Variants in GAN observed in about 807,000 individuals in gnomAD.
GAN encodes the protein gigaxonin, also known as epididymis secretory sperm binding protein.
GAN carries 48 observed loss-of-function variants against 71.3 expected under a neutral mutation model. That is an observed-to-expected ratio of 0.67 (90% CI 0.53 to 0.86). GAN has a LOEUF of 0.86. Ranked by LOEUF, GAN falls within the 40% of genes least tolerant of loss-of-function variation. The probability of loss-of-function intolerance (pLI) is 0.00; values close to 1 mark genes in which losing one functional copy is unlikely to be tolerated. For synonymous variants in GAN, 386 were observed against 276.8 expected, an observed-to-expected ratio of 1.39 and a Z score of -3.92; for missense variants, 928 against 770.1, an observed-to-expected ratio of 1.21 and a Z score of -2.43.
chr16:81,325,805 T>C (rs931094660), intron 1 of GAN, among the ~76,000 whole-genome samples: 13 of 152,248 alleles, frequency 8.5e-5, no homozygotes, highest in African/African-American at 2.9e-4. Context: ...CAGTCTGTCT[T>C]AAATGTGTTG....
chr16:81,354,755 G>C lies in GAN; in HGVS notation c.633G>C (p.Lys211Asn), dbSNP rs201676105. The change falls in exon 3 of 11, where the codon AAG (lysine) becomes AAC (asparagine). Residue 211 changes from lysine to asparagine, a missense_variant and splice_region_variant. Physicochemically the swap from Lys to Asn is moderately conservative, Grantham distance 94 (BLOSUM62 0). Coordinates refer to ENST00000648994, the MANE Select transcript of GAN (RefSeq NM_022041.4). ...RWIAHDTEIR[K>N]VHMKDVMSAL... ...TAGCACATGATACAGAAATAAGAAA[G>C]GTACCTGTCATTTATAACATGGTCA... 1 of 1,534,708 alleles carries C rather than the reference G, an allele frequency of 6.5e-7. No individual in the cohort carries two copies. Among genetic ancestry groups the C allele is most frequent in the Non-Finnish European group, 9.0e-7 (1 of 1,107,880 alleles).
At chr16:81,334,425 T>C (rs889649947) in intron 1 of GAN, among the ~76,000 whole-genome samples, 7 of 152,298 alleles carry the variant, frequency 4.6e-5, no homozygotes, top group East Asian at 1.9e-4. Flanking sequence ...CTGAAACCTT[T>C]CCTGACTTTT....
At chr16:81,365,245 G>T in intron 8 of GAN, 105 bp from the exon 9 acceptor site, 1 of 1,563,586 alleles carries the variant, frequency 6.4e-7, no homozygotes, top group Admixed American at 1.7e-5. Flanking sequence ...AGAAAGGAAG[G>T]CCCACGTAGT....
intron 1 of GAN, among the ~76,000 whole-genome samples, chr16:81,347,072 A>G (rs1452994417): frequency 6.6e-6 from 1 of 152,210 alleles, no homozygotes; most frequent in Non-Finnish European, 1.5e-5. Context: ...CTGCTGCCAA[A>G]AAGATTATAT....
At chr16:81,341,284 A>G (rs1909932437) in intron 1 of GAN, among the ~76,000 whole-genome samples, 1 of 152,144 alleles carries the variant, frequency 6.6e-6, no homozygotes, top group South Asian at 2.1e-4. Flanking sequence ...AATTCAGGAA[A>G]TACAGAGAAT....
rs1904333431 is a variant in GAN at position 81,384,047 on chromosome 16, A to C, written c.*6451A>C. On this transcript the variant is annotated 3_prime_UTR_variant, in exon 11 of 11. Transcript: ENST00000648994. ...AAGTTATACCAGTCAACTTGGTTTA[A>C]ATACAACTGTACTAACTTGCTTTAT... The C allele has an allele frequency of 6.6e-6, 1 of 152,134 alleles. No individual in the cohort carries two copies. Among genetic ancestry groups the C allele is most frequent in the Non-Finnish European group, 1.5e-5 (1 of 68,020 alleles). 9.4% of individuals were successfully genotyped at this position (152,134 alleles called of 1,614,324 possible).
rs760592761 is a variant in GAN, at chr16:81,356,919, G to A, written c.768G>A (p.Pro256=). ...GTAGCAATATACCGCTCAGCCAGCCGCAGCAAGGGGAGGCGATGCTGGCCA... is the reference window on the plus strand; with the variant it reads ...GTAGCAATATACCGCTCAGCCAGCCACAGCAAGGGGAGGCGATGCTGGCCA... ...KECSNIPLSQ[P]QQGEAMLANF... is the part of the protein sequence containing the mutation. The change falls in exon 4 of 11, where the codon CCG becomes CCA. Residue 256 remains proline, a synonymous_variant. Transcript: ENST00000648994. The A allele has an allele frequency of 1.2e-5, 20 of 1,613,498 alleles. No individual in the cohort carries two copies. Among genetic ancestry groups the A allele is most frequent in the East Asian group, 2.2e-5 (1 of 44,878 alleles).
chr16:81,337,796 G>A (rs1454337718), intron 1 of GAN, among the ~76,000 whole-genome samples: 1 of 152,160 alleles, frequency 6.6e-6, no homozygotes, highest in Non-Finnish European at 1.5e-5. Flanking sequence ...TAATAGAACA[G>A]AAGAACAGAA....
intron 8 of GAN, 110 bp downstream of exon 8, chr16:81,365,220 A>G (rs1377656878): frequency 3.2e-6 from 5 of 1,565,040 alleles, no homozygotes; most frequent in East Asian, 4.5e-5. Flanking sequence ...CTTTTCTTTG[A>G]CTTGGCATTT....
At position 81,315,324 on chromosome 16, in the gene GAN, G is replaced by T. The variant is rs563284875; in HGVS notation, c.167+44G>T. ...CGGGCGGGCGCGGCGGTGCTGCCCG[G>T]AGCCGGAGGCGGGGCGGCCGGGCCG... is the stretch of plus-strand genomic sequence containing the variant. On this transcript the variant is annotated intron_variant, in intron 1 of 10. Coordinates refer to ENST00000648994, the MANE Select transcript of GAN (RefSeq NM_022041.4). 7.8e-4 allele frequency: 1,054 copies of T among 1,351,182 alleles called. 3 individuals are homozygous for T. The highest frequency in any genetic ancestry group is 9.6e-4 in the Non-Finnish European group (1,003 of 1,042,160). The allele number at this position is 1,351,182 out of a possible 1,614,324, so 83.7% of individuals were successfully genotyped here. A position where few individuals can be genotyped will look rare whatever the true frequency, so the allele number is the denominator to read the frequency against.
chr16:81,351,770 C>T, intron 2 of GAN, 73 bp downstream of exon 2: 2 of 790,302 alleles, frequency 2.5e-6, no homozygotes, highest in Non-Finnish European at 4.7e-6. Flanking sequence ...CTCCTTTCAT[C>T]CATTATATGA....
chr16:81,327,697 A>C (rs1205249622), intron 1 of GAN, among the ~76,000 whole-genome samples: 1 of 152,214 alleles, frequency 6.6e-6, no homozygotes, highest in South Asian at 2.1e-4. Flanking sequence ...TGAAGTATGG[A>C]GCTCCTATAG....
At chr16:81,352,347 G>C (rs1401316744) in intron 2 of GAN, among the ~76,000 whole-genome samples, 5 of 152,068 alleles carry the variant, frequency 3.3e-5, no homozygotes, top group Non-Finnish European at 7.4e-5. Flanking sequence ...CTTTTCCTTT[G>C]CCCTCCTCCG....
chr16:81,347,425 G>T (rs118064038), intron 1 of GAN, among the ~76,000 whole-genome samples: 1 of 152,178 alleles, frequency 6.6e-6, no homozygotes, highest in Non-Finnish European at 1.5e-5. Flanking sequence ...GTACATAGCT[G>T]TCATTCCAGG....
intron 1 of GAN, among the ~76,000 whole-genome samples, chr16:81,348,993 C>G (rs1021553390): frequency 1.3e-5 from 2 of 152,120 alleles, no homozygotes; most frequent in African/African-American, 4.8e-5. Flanking sequence ...TCAAATGTGC[C>G]TGGTGCTCCC....
chr16:81,318,938 A>G (rs185398106), intron 1 of GAN, among the ~76,000 whole-genome samples: 6 of 151,744 alleles, frequency 4.0e-5, no homozygotes, highest in African/African-American at 1.4e-4. Flanking sequence ...CCCCTTTCCC[A>G]GCATGCTCCT....
intron 1 of GAN, among the ~76,000 whole-genome samples, chr16:81,320,832 G>T (rs959131065): frequency 1.3e-5 from 2 of 152,038 alleles, no homozygotes; most frequent in African/African-American, 4.8e-5. Flanking sequence ...ACTATAAGGC[G>T]TTCCTAACAA....
At position 81,390,531 on chromosome 16, in the gene GAN, G is replaced by C. The variant is rs1904530934; in HGVS notation, c.*12935G>C. 1 of 152,190 alleles carries C rather than the reference G, an allele frequency of 6.6e-6. No homozygotes were observed. Among genetic ancestry groups the C allele is most frequent in the Non-Finnish European group, 1.5e-5 (1 of 68,022 alleles). 9.4% of individuals were successfully genotyped at this position (152,190 alleles called of 1,614,324 possible). A position where few individuals can be genotyped will look rare whatever the true frequency, so the allele number is the denominator to read the frequency against. ...TCTCACGAACCCAGGACCTGTGCTTGGGGAACATTTTGCCATCATGCTGTT... is the reference window on the plus strand; with the variant it reads ...TCTCACGAACCCAGGACCTGTGCTTCGGGAACATTTTGCCATCATGCTGTT... On this transcript the variant is annotated 3_prime_UTR_variant, in exon 11 of 11. Coordinates refer to ENST00000648994, the MANE Select transcript of GAN (RefSeq NM_022041.4).
At chr16:81,362,678 G>C (rs540478179) in intron 6 of GAN, 67 bp downstream of exon 6, 2 of 917,806 alleles carry the variant, frequency 2.2e-6, no homozygotes, top group Non-Finnish European at 1.8e-6. Flanking sequence ...TGTTTGTTTT[G>C]TGTCTGAGTT....
Sources: gnomAD v4.1 joint callset for allele counts (sites outside exome capture counted in the v4.1 genomes callset) on GRCh38, gnomAD v4.1.1 for gene constraint, MANE v1.5 for transcripts, NCBI Gene and HGNC (gene_info 2026-07-23, HGNC 2026-07-21) for gene names.